The following EYS variants were observed in gnomAD, a reference collection of about 807,000 sequenced individuals.
The protein encoded by EYS is EGF-like photoreceptor maintenance factor.
EYS carries 250 observed loss-of-function variants against 282.1 expected under a neutral mutation model. That is an observed-to-expected ratio of 0.89 (90% CI 0.80 to 0.98). The LOEUF is 0.98. EYS is among the 50% of genes least tolerant of loss of function. EYS has a pLI of 0.00. For synonymous variants in EYS, 1,355 were observed against 1,282.9 expected (o/e 1.06, Z -1.20); for missense variants, 4,016 against 3,709.0 (o/e 1.08, Z -2.15).
At chr6:64,418,769 G>T (rs1380969564) in intron 28 of EYS, among the ~76,000 whole-genome samples, 2 of 146,948 alleles carry the variant, frequency 1.4e-5, no homozygotes, top group East Asian at 2.1e-4. Flanking sequence ...TTGAGGGAAG[G>T]TTCTGTCCCA....
At chr6:63,761,187 A>T (rs1387475900) in intron 41 of EYS, among the ~76,000 whole-genome samples, 2 of 151,882 alleles carry the variant, frequency 1.3e-5, no homozygotes, top group Non-Finnish European at 2.9e-5. Flanking sequence ...CCTGGTATGG[A>T]GGAGAAGATG....
intron 31 of EYS, among the ~76,000 whole-genome samples, chr6:64,150,822 A>C (rs2150293908): frequency 6.6e-6 from 1 of 152,264 alleles, no homozygotes; most frequent in South Asian, 2.1e-4. Context: ...AGAAAATGGA[A>C]GTTGAAAGCT....
intron 30 of EYS, among the ~76,000 whole-genome samples, chr6:64,253,803 G>A (rs1273996201): frequency 6.7e-6 from 1 of 149,176 alleles, no homozygotes. Context: ...TCAAGGGCTA[G>A]AACTGGGCCA....
At chr6:63,924,592 A>G (rs1004819714) in intron 35 of EYS, among the ~76,000 whole-genome samples, 2 of 152,246 alleles carry the variant, frequency 1.3e-5, no homozygotes, top group Admixed American at 6.5e-5. Flanking sequence ...GGTTATCATC[A>G]GTATAAGCAG....
At chr6:64,953,614 C>A (rs1428612857) in intron 14 of EYS, among the ~76,000 whole-genome samples, 1 of 151,682 alleles carries the variant, frequency 6.6e-6, no homozygotes, top group Non-Finnish European at 1.5e-5. Context: ...AATATGATTT[C>A]TTTCAGCAAG....
chr6:64,299,573 T>C (rs893425280), intron 30 of EYS, among the ~76,000 whole-genome samples: 3 of 152,216 alleles, frequency 2.0e-5, no homozygotes, highest in Admixed American at 2.0e-4. Flanking sequence ...TGGTGCCTGC[T>C]TGGGATTTCC....
intron 35 of EYS, among the ~76,000 whole-genome samples, chr6:63,889,942 G>GA (rs901682837): frequency 1.3e-5 from 2 of 148,754 alleles, no homozygotes; most frequent in South Asian, 2.1e-4. Flanking sequence ...CCAAGCAGAT[G>GA]AAAAAAAAAG....
chr6:65,678,654 C>G (rs1448846946), intron 1 of EYS, among the ~76,000 whole-genome samples: 2 of 151,688 alleles, frequency 1.3e-5, no homozygotes, highest in African/African-American at 4.8e-5. Context: ...AAAAAATCAA[C>G]AGAGTAAAAA....
At chr6:65,037,563 T>A (rs1171133706) in intron 13 of EYS, among the ~76,000 whole-genome samples, 1 of 151,830 alleles carries the variant, frequency 6.6e-6, no homozygotes, top group Non-Finnish European at 1.5e-5. Flanking sequence ...GTTTTTTCTT[T>A]TCTCTAGGTT....
chr6:64,042,315 C>T (rs749562526), intron 33 of EYS, among the ~76,000 whole-genome samples: 9 of 152,154 alleles, frequency 5.9e-5, no homozygotes, highest in Admixed American at 1.3e-4. Flanking sequence ...CAATGCCTTG[C>T]TTCTCAGTTA....
intron 12 of EYS, among the ~76,000 whole-genome samples, chr6:65,239,507 C>T (rs1358431290): frequency 6.6e-6 from 1 of 151,956 alleles, no homozygotes; most frequent in African/African-American, 2.4e-5. Flanking sequence ...AATGCCCACT[C>T]TAGGATTTTA....
intron 26 of EYS, among the ~76,000 whole-genome samples, chr6:64,447,461 T>TTA (rs1775152007): frequency 6.7e-6 from 1 of 149,790 alleles, no homozygotes. Flanking sequence ...AAATTCTGAT[T>TTA]TTTTTTTTCC....
At chr6:65,336,891 G>C (rs1770009426) in intron 10 of EYS, among the ~76,000 whole-genome samples, 1 of 151,206 alleles carries the variant, frequency 6.6e-6, no homozygotes, top group Admixed American at 6.6e-5. Context: ...CTTAAACACA[G>C]GTATATATTT....
At chr6:64,894,053 T>A (rs1767375370) in intron 18 of EYS, among the ~76,000 whole-genome samples, 2 of 152,240 alleles carry the variant, frequency 1.3e-5, no homozygotes, top group Admixed American at 6.5e-5. Context: ...CATATCACAT[T>A]ATTCTGAGAC....
At chr6:64,859,174 T>C (rs1263769511) in intron 19 of EYS, among the ~76,000 whole-genome samples, 1 of 150,042 alleles carries the variant, frequency 6.7e-6, no homozygotes, top group Non-Finnish European at 1.5e-5. Flanking sequence ...ATAACATTTC[T>C]ATATGCTAAT....
At chr6:65,487,894 T>G (rs556458454) in intron 5 of EYS, among the ~76,000 whole-genome samples, 49 of 152,310 alleles carry the variant, frequency 3.2e-4, no homozygotes, top group African/African-American at 1.0e-3. Flanking sequence ...CTTCCTGGTT[T>G]AGTCTTGGGA....
chr6:65,278,746 C>T (rs1433447696), intron 12 of EYS, among the ~76,000 whole-genome samples: 1 of 152,104 alleles, frequency 6.6e-6, no homozygotes, highest in Non-Finnish European at 1.5e-5. Flanking sequence ...TGCCAGATGA[C>T]ATGAGATTGT....
At chr6:65,204,904 T>C (rs75025834) in intron 12 of EYS, among the ~76,000 whole-genome samples, 16,246 of 94,316 alleles carry the variant, frequency 0.17, 2,227 homozygotes, top group African/African-American at 0.34. Flanking sequence ...TCTGGAAGAA[T>C]GTATTTATAT....
intron 10 of EYS, among the ~76,000 whole-genome samples, chr6:65,340,480 T>G (rs1444099329): frequency 1.3e-5 from 2 of 151,188 alleles, no homozygotes; most frequent in African/African-American, 2.4e-5. Flanking sequence ...ACTAACTTAC[T>G]ATTTACTCTA....
Sources: allele counts gnomAD v4.1 joint callset (sites outside exome capture counted in the v4.1 genomes callset), GRCh38; gene constraint gnomAD v4.1.1; transcripts MANE v1.5; gene names NCBI Gene and HGNC (gene_info 2026-07-23, HGNC 2026-07-21).